ESR1: variants seen among roughly 807,000 people sequenced by gnomAD.
ESR1 encodes estrogen receptor.
Under a neutral mutation model 52.7 loss-of-function variants are expected in ESR1, and 12 were observed. The observed-to-expected ratio is 0.23, with a 90% CI of 0.15 to 0.37. The LOEUF (loss-of-function observed/expected upper bound fraction) is 0.37. Ranked by LOEUF, ESR1 falls within the 10% of genes least tolerant of loss-of-function variation. The pLI is 1.00. For synonymous variants in ESR1, 305 were observed against 316.8 expected, an observed-to-expected ratio of 0.96 and a Z score of 0.39; for missense variants, 584 against 779.7, an observed-to-expected ratio of 0.75 and a Z score of 2.99.
chr6:151,716,681 C>T (rs1321828664), intron 2 of ESR1, among the ~76,000 whole-genome samples: 1 of 152,174 alleles, frequency 6.6e-6, no homozygotes, highest in East Asian at 1.9e-4. Context: ...TGCCCCTCCC[C>T]CCACCAAGCT....
chr6:152,101,868 C>G lies in ESR1; in HGVS notation c.*2902C>G. ...GAGTCCACTTCTGCCCTGGAGACCACAAATCAACTAGCTCCATTTACAGCC... is the reference window on the plus strand; with the variant it reads ...GAGTCCACTTCTGCCCTGGAGACCAGAAATCAACTAGCTCCATTTACAGCC... On this transcript the variant is annotated 3_prime_UTR_variant, in exon 8 of 8. Coordinates refer to ENST00000206249, the MANE Select transcript of ESR1 (RefSeq NM_000125.4). The G allele has an allele frequency of 4.5e-6, 1 of 223,038 alleles. No homozygotes were observed. Among genetic ancestry groups the G allele is most frequent in the Non-Finnish European group, 9.0e-6 (1 of 111,594 alleles). The allele number at this position is 223,038 out of a possible 1,614,324, so 13.8% of individuals were successfully genotyped here.
At chr6:152,043,547 G>A (rs926738260) in intron 5 of ESR1, among the ~76,000 whole-genome samples, 2 of 152,170 alleles carry the variant, frequency 1.3e-5, no homozygotes, top group African/African-American at 4.8e-5. Context: ...AGCAAACAGG[G>A]GTATTGAGGG....
At chr6:151,949,833 A>T (rs1283572627) in intron 4 of ESR1, among the ~76,000 whole-genome samples, 1 of 152,168 alleles carries the variant, frequency 6.6e-6, no homozygotes, top group Non-Finnish European at 1.5e-5. Flanking sequence ...ACCTTTAAAA[A>T]TCCCTTTCTC....
chr6:151,687,263 G>T (rs958801667), upstream of ESR1, among the ~76,000 whole-genome samples: 1 of 152,178 alleles, frequency 6.6e-6, no homozygotes, highest in Admixed American at 6.5e-5. Context: ...TGAGTTGGTT[G>T]TTCAAGTAAC....
intron 1 of ESR1, among the ~76,000 whole-genome samples, chr6:151,676,756 G>T (rs557435077): frequency 6.6e-6 from 1 of 152,080 alleles, no homozygotes; most frequent in African/African-American, 2.4e-5. Context: ...CTTCCCACTC[G>T]CGGAAGCTGC....
chr6:151,673,507 A>G (rs1245843049), intron 1 of ESR1, among the ~76,000 whole-genome samples: 1 of 152,162 alleles, frequency 6.6e-6, no homozygotes, highest in African/African-American at 2.4e-5. Flanking sequence ...TTTTGCTGTC[A>G]TCATGTAGTC....
chr6:151,821,123 C>A (rs145656733), intron 1 of ESR1, among the ~76,000 whole-genome samples: 12 of 152,146 alleles, frequency 7.9e-5, no homozygotes, highest in Admixed American at 4.6e-4. Context: ...AGAACCAGGG[C>A]TAGGTCCTCT....
intron 5 of ESR1, among the ~76,000 whole-genome samples, chr6:152,017,091 T>G: frequency 6.6e-6 from 1 of 152,166 alleles, no homozygotes; most frequent in South Asian, 2.1e-4. Context: ...AGTCTTTTCT[T>G]GTAATTGCTT....
intron 4 of ESR1, among the ~76,000 whole-genome samples, chr6:151,992,876 T>C (rs1285583153): frequency 1.3e-5 from 2 of 152,152 alleles, no homozygotes; most frequent in Non-Finnish European, 2.9e-5. Context: ...TTTTTGTAAA[T>C]ATGTCTGTTA....
intron 1 of ESR1, among the ~76,000 whole-genome samples, chr6:151,818,808 T>TACACAC (rs3996304): frequency 4.6e-5 from 7 of 150,824 alleles, no homozygotes; most frequent in African/African-American, 1.7e-4. Context: ...TACACATATA[T>TACACAC]ACACACACAC....
At chr6:152,043,951 A>G (rs1412606725) in intron 5 of ESR1, among the ~76,000 whole-genome samples, 1 of 152,088 alleles carries the variant, frequency 6.6e-6, no homozygotes, top group Non-Finnish European at 1.5e-5. Flanking sequence ...CTCTTTCTCT[A>G]CAGGAGATAA....
intron 6 of ESR1, chr6:152,122,687 A>G: frequency 6.2e-7 from 1 of 1,613,652 alleles, no homozygotes; most frequent in Non-Finnish European, 8.5e-7. Context: ...CTGAGAGAAG[A>G]ATGGACATAA....
At chr6:151,902,353 G>A (rs1796817558) in intron 3 of ESR1, among the ~76,000 whole-genome samples, 1 of 152,074 alleles carries the variant, frequency 6.6e-6, no homozygotes, top group African/African-American at 2.4e-5. Flanking sequence ...TGTTCTTGGA[G>A]GTATATTCTA....
chr6:151,735,595 G>C (rs1782584666), intron 2 of ESR1, among the ~76,000 whole-genome samples: 1 of 152,060 alleles, frequency 6.6e-6, no homozygotes, highest in South Asian at 2.1e-4. Flanking sequence ...AGCTTTAGGG[G>C]TACAAGTGGC....
intron 4 of ESR1, among the ~76,000 whole-genome samples, chr6:152,003,189 C>T (rs2042087603): frequency 1.3e-5 from 2 of 151,742 alleles, no homozygotes; most frequent in Admixed American, 1.3e-4. Context: ...TTTGTGATCC[C>T]CAAGTCTCAT....
At chr6:151,823,148 G>A (rs1021726711) in intron 1 of ESR1, among the ~76,000 whole-genome samples, 1 of 152,136 alleles carries the variant, frequency 6.6e-6, no homozygotes, top group African/African-American at 2.4e-5. Context: ...AAATTTAATT[G>A]AATGTCCTGT....
At chr6:152,082,351 A>G (rs189068383) in intron 6 of ESR1, among the ~76,000 whole-genome samples, 2,254 of 152,342 alleles carry the variant, frequency 0.015, 28 homozygotes, top group Non-Finnish European at 0.023. Context: ...AACAGAACCA[A>G]TGACAAAAAC....
At chr6:151,849,999 T>C (rs1309635376) in intron 2 of ESR1, among the ~76,000 whole-genome samples, 30 of 123,492 alleles carry the variant, frequency 2.4e-4, no homozygotes, top group Admixed American at 9.6e-4. Context: ...TATATATATA[T>C]ATATATAATT....
intron 1 of ESR1, among the ~76,000 whole-genome samples, chr6:151,836,074 A>G (rs929870218): frequency 2.6e-5 from 4 of 152,194 alleles, no homozygotes; most frequent in African/African-American, 7.2e-5. Context: ...CTAGTAATTC[A>G]AATGTGGAGT....
Sources: allele counts gnomAD v4.1 joint callset (sites outside exome capture counted in the v4.1 genomes callset), GRCh38; gene constraint gnomAD v4.1.1; transcripts MANE v1.5; gene names NCBI Gene and HGNC (gene_info 2026-07-23, HGNC 2026-07-21).